Variants in MTHFD1L observed in about 807,000 individuals in gnomAD.
MTHFD1L encodes the protein monofunctional C1-tetrahydrofolate synthase, mitochondrial.
In MTHFD1L, 81 loss-of-function variants were observed where a neutral mutation model predicts 119.5. That is an observed-to-expected ratio of 0.68 (90% confidence interval 0.57 to 0.82). The LOEUF (loss-of-function observed/expected upper bound fraction) is 0.82. Among genes scored for constraint, MTHFD1L ranks in the 40% least tolerant of loss-of-function variants. MTHFD1L has a pLI of 0.00. For missense variants in MTHFD1L, 1,125 were observed against 1,253.4 expected (o/e 0.90, Z 1.55); for synonymous variants, 430 against 475.2 (o/e 0.90, Z 1.24).
chr6:150,984,662 ACT>A (rs1203773620), intron 20 of MTHFD1L, among the ~76,000 whole-genome samples: 4 of 152,132 alleles, frequency 2.6e-5, no homozygotes, highest in Non-Finnish European at 4.4e-5. Context: ...ACGTTTTTGA[ACT>A]TACACATATT....
chr6:151,047,669 C>G (rs570456975), intron 26 of MTHFD1L, among the ~76,000 whole-genome samples: 2 of 152,240 alleles, frequency 1.3e-5, no homozygotes, highest in South Asian at 4.2e-4. Flanking sequence ...ATTCCAACCC[C>G]AAGAATATGT....
chr6:150,865,725 C>T lies in MTHFD1L; in HGVS notation c.-98C>T. On this transcript the variant is annotated 5_prime_UTR_variant, in exon 1 of 28. Transcript: ENST00000367321. ...AGGAGGAAGCGCCAGGTCCTTCCCG[C>T]CGCCGCCGCCGCCGCCGCCGCCTGC... 1 of 1,040,326 alleles carries T rather than the reference C, an allele frequency of 9.6e-7. No homozygotes were observed. The highest frequency in any genetic ancestry group is 1.2e-6 in the Non-Finnish European group (1 of 846,244). 64.4% of individuals were successfully genotyped at this position (1,040,326 alleles called of 1,614,324 possible). A position where few individuals can be genotyped will look rare whatever the true frequency, so the allele number is the denominator to read the frequency against.
At chr6:151,003,778 A>G (rs1009459814) in intron 20 of MTHFD1L, among the ~76,000 whole-genome samples, 2 of 152,116 alleles carry the variant, frequency 1.3e-5, no homozygotes, top group African/African-American at 4.8e-5. Flanking sequence ...GTGTTTAATG[A>G]TGTTTTTGAG....
chr6:150,887,241 G>A (rs116905110), intron 6 of MTHFD1L, among the ~76,000 whole-genome samples: 3,477 of 152,228 alleles, frequency 0.023, 55 homozygotes, highest in Middle Eastern at 0.037. Flanking sequence ...TCATTACGTG[G>A]ATTATCAAGA....
At position 151,031,139 on chromosome 6, in the gene MTHFD1L, C is replaced by G. The variant is rs377177889; in HGVS notation, c.2587-3354C>G. Among the ~76,000 whole-genome samples the G allele has an allele frequency of 3.3e-5, 5 of 152,322 alleles. No individual in the cohort carries two copies. The East Asian group carries it at 7.7e-4, about 23-fold the overall frequency. ...GCACCATATTCAGCTTATACAGAACCCTCCAGGCAAGGACAGGTCACTGCT... is the reference window on the plus strand; with the variant it reads ...GCACCATATTCAGCTTATACAGAACGCTCCAGGCAAGGACAGGTCACTGCT... On this transcript the variant is annotated intron_variant, in intron 24 of 27. Transcript: ENST00000367321.
chr6:150,927,861 A>G (rs1388340208), intron 11 of MTHFD1L, among the ~76,000 whole-genome samples: 1 of 152,122 alleles, frequency 6.6e-6, no homozygotes, highest in African/African-American at 2.4e-5. Flanking sequence ...TGGCACCTCT[A>G]GTTCCATCAA....
chr6:151,085,278 A>G (rs1291971493), intron 26 of MTHFD1L, among the ~76,000 whole-genome samples: 1 of 152,070 alleles, frequency 6.6e-6, no homozygotes, highest in Non-Finnish European at 1.5e-5. Flanking sequence ...CTTCTTTACA[A>G]AAGAAGAGAA....
intron 10 of MTHFD1L, among the ~76,000 whole-genome samples, chr6:150,923,537 A>ATTTATTTATTTATTT (rs1254981530): frequency 1.1e-5 from 1 of 95,222 alleles, no homozygotes; most frequent in East Asian, 2.7e-4. Flanking sequence ...TTATTTATTT[A>ATTTATTTATTTATTT]TTTTTTCTTT....
chr6:150,972,916 C>T (rs1798173536), intron 20 of MTHFD1L, among the ~76,000 whole-genome samples: 2 of 152,152 alleles, frequency 1.3e-5, no homozygotes, highest in South Asian at 4.1e-4. Context: ...CTTGCATATT[C>T]CAGCTAGAAA....
intron 11 of MTHFD1L, among the ~76,000 whole-genome samples, chr6:150,928,253 G>T (rs1031854886): frequency 6.6e-6 from 1 of 151,796 alleles, no homozygotes; most frequent in African/African-American, 2.4e-5. Flanking sequence ...GGCTAACATG[G>T]TGAAACCCCG....
intron 20 of MTHFD1L, among the ~76,000 whole-genome samples, chr6:151,006,467 G>T (rs542868803): frequency 9.9e-5 from 15 of 152,056 alleles, no homozygotes; most frequent in African/African-American, 3.6e-4. Context: ...TTTACACAAG[G>T]GTGGCCTTGA....
At chr6:151,047,677 T>C (rs1360809914) in intron 26 of MTHFD1L, among the ~76,000 whole-genome samples, 1 of 152,114 alleles carries the variant, frequency 6.6e-6, no homozygotes, top group Non-Finnish European at 1.5e-5. Flanking sequence ...CCCAAGAATA[T>C]GTTGTAGAGT....
At chr6:151,099,663 T>C in intron 27 of MTHFD1L, 1 of 1,605,820 alleles carries the variant, frequency 6.2e-7, no homozygotes, top group Non-Finnish European at 8.5e-7. Flanking sequence ...ACAGGGTTCG[T>C]AGAAGATTCA....
At position 150,927,581 on chromosome 6, in the gene MTHFD1L, C is replaced by G. The variant is rs149323257; in HGVS notation, c.1256+1286C>G. 9.0e-3 allele frequency among the ~76,000 whole-genome samples: 1,367 copies of G among 151,896 alleles called. 25 individuals carry two copies. Among genetic ancestry groups the G allele is most frequent in the African/African-American group, 0.032 (1,312 of 41,396 alleles). ...AAGCGATTCTCCTGCCTCAGCCTCC[C>G]GAGTAGCTGGGATTACAGGCATGCG... is the stretch of plus-strand genomic sequence containing the variant. On this transcript the variant is annotated intron_variant, in intron 11 of 27. Coordinates refer to ENST00000367321, the MANE Select transcript of MTHFD1L (RefSeq NM_015440.5).
chr6:150,895,247 A>G (rs1303028047), intron 7 of MTHFD1L, among the ~76,000 whole-genome samples: 1 of 152,192 alleles, frequency 6.6e-6, no homozygotes, highest in Admixed American at 6.5e-5. Flanking sequence ...TCTGATGCCA[A>G]AACCAGTCTG....
At chr6:151,015,206 C>CTTTTTTTTTTTTTT (rs58646889) in intron 23 of MTHFD1L, among the ~76,000 whole-genome samples, 9 of 76,912 alleles carry the variant, frequency 1.2e-4, no homozygotes, top group Non-Finnish European at 1.7e-4. Context: ...ATCTCCTTGG[C>CTTTTTTTTTTTTTT]TTTTTTTTTT....
intron 26 of MTHFD1L, among the ~76,000 whole-genome samples, chr6:151,085,258 A>G (rs1365317818): frequency 6.6e-6 from 1 of 151,972 alleles, no homozygotes; most frequent in East Asian, 1.9e-4. Context: ...CCATTAAAAA[A>G]CTTTATAGTC....
intron 6 of MTHFD1L, among the ~76,000 whole-genome samples, chr6:150,886,849 A>T (rs1034286337): frequency 2.6e-5 from 4 of 151,808 alleles, no homozygotes; most frequent in Non-Finnish European, 5.9e-5. Flanking sequence ...TTTTTTAATT[A>T]GCCAGGTGTG....
chr6:151,019,015 A>G (rs1355022758), intron 24 of MTHFD1L, among the ~76,000 whole-genome samples: 1 of 152,232 alleles, frequency 6.6e-6, no homozygotes, highest in Non-Finnish European at 1.5e-5. Flanking sequence ...TGTTCAGCGC[A>G]AAATAGATGT....
Sources: allele counts gnomAD v4.1 joint callset (sites outside exome capture counted in the v4.1 genomes callset), GRCh38; gene constraint gnomAD v4.1.1; transcripts MANE v1.5; gene names NCBI Gene and HGNC (gene_info 2026-07-23, HGNC 2026-07-21).